The following TEAD1 variants were observed in gnomAD, a reference collection of about 807,000 sequenced individuals.
The protein encoded by TEAD1 is TEA domain transcription factor 1.
Under a neutral mutation model 54.9 loss-of-function variants are expected in TEAD1, and 9 were observed. The ratio of observed to expected loss-of-function variants is 0.16; its 90% confidence interval spans 0.10 to 0.29. TEAD1 has a LOEUF of 0.29. Ranked by LOEUF, TEAD1 falls within the 10% of genes least tolerant of loss-of-function variation. TEAD1 has a pLI of 1.00. For missense variants in TEAD1, 387 were observed against 535.9 expected (o/e 0.72, Z 2.74); for synonymous variants, 200 against 187.8 (o/e 1.07, Z -0.53).
chr11:12,782,774 G>A (rs1312902387), intron 3 of TEAD1, among the ~76,000 whole-genome samples: 1 of 152,220 alleles, frequency 6.6e-6, no homozygotes, highest in East Asian at 1.9e-4. Flanking sequence ...AAGATGGAAA[G>A]AAAGGAAAAT....
intron 3 of TEAD1, chr11:12,827,995 A>G (rs1172290032): frequency 6.6e-6 from 1 of 152,234 alleles, no homozygotes; most frequent in East Asian, 1.9e-4. Flanking sequence ...CTGGTAATGG[A>G]AAGTAGCAGT....
chr11:12,752,776 A>T (rs1590115469), intron 2 of TEAD1, among the ~76,000 whole-genome samples: 1 of 152,294 alleles, frequency 6.6e-6, no homozygotes, highest in African/African-American at 2.4e-5. Flanking sequence ...ATTTAAATTC[A>T]CAAATGTGTC....
rs142144920 is a variant in TEAD1, at chr11:12,678,308, C to T, written c.-55+2747C>T. ...ACTGCTAATGTCCAACTTTTGGACT[C>T]AGCCAGAAAAATATATTGTAAGCTT... On this transcript the variant is annotated intron_variant, in intron 2 of 12. Coordinates refer to ENST00000527636, the MANE Select transcript of TEAD1 (RefSeq NM_021961.6). 1.4e-3 allele frequency among the ~76,000 whole-genome samples: 213 copies of T among 152,334 alleles called. 3 individuals carry two copies. The highest frequency in any genetic ancestry group is 0.01 in the Admixed American group (159 of 15,304).
chr11:12,891,023 C>G, intron 9 of TEAD1, among the ~76,000 whole-genome samples: 1 of 152,180 alleles, frequency 6.6e-6, no homozygotes, highest in East Asian at 1.9e-4. Context: ...CCTCAGCCTC[C>G]CAAAGTGCTG....
intron 3 of TEAD1, among the ~76,000 whole-genome samples, chr11:12,859,326 T>C (rs1447151876): frequency 1.4e-4 from 21 of 152,242 alleles, no homozygotes; most frequent in Admixed American, 1.4e-3. Flanking sequence ...GACATTTTTG[T>C]CATCTGGACA....
intron 3 of TEAD1, among the ~76,000 whole-genome samples, chr11:12,841,403 G>A (rs949051683): frequency 6.6e-6 from 1 of 152,232 alleles, no homozygotes; most frequent in Non-Finnish European, 1.5e-5. Flanking sequence ...ATGGATGCTG[G>A]TTAGGAAGTG....
chr11:12,837,905 C>T (rs747784477), intron 3 of TEAD1, among the ~76,000 whole-genome samples: 113 of 150,850 alleles, frequency 7.5e-4, no homozygotes, highest in Non-Finnish European at 1.2e-3. Flanking sequence ...AGAGTTCAAG[C>T]GATTCTCCTG....
chr11:12,845,889 C>G (rs1367147273), intron 3 of TEAD1, among the ~76,000 whole-genome samples: 1 of 152,214 alleles, frequency 6.6e-6, no homozygotes, highest in Non-Finnish European at 1.5e-5. Context: ...GCTCAGCATA[C>G]CACACAGGAA....
At chr11:12,912,809 G>T (rs954387775) in intron 10 of TEAD1, among the ~76,000 whole-genome samples, 1 of 152,098 alleles carries the variant, frequency 6.6e-6, no homozygotes, top group African/African-American at 2.4e-5. Context: ...CTCTTGCATT[G>T]GGAGTTGCCT....
At chr11:12,871,187 T>C (rs1702597160) in intron 5 of TEAD1, among the ~76,000 whole-genome samples, 1 of 152,194 alleles carries the variant, frequency 6.6e-6, no homozygotes, top group Non-Finnish European at 1.5e-5. Flanking sequence ...GGATGCTGAG[T>C]TAGAGGTCTC....
chr11:12,677,523 G>A (rs1257640440), intron 2 of TEAD1, among the ~76,000 whole-genome samples: 1 of 152,128 alleles, frequency 6.6e-6, no homozygotes, highest in African/African-American at 2.4e-5. Flanking sequence ...GGAAAAAAAT[G>A]TTCGAGTTTT....
chr11:12,868,182 G>A (rs748291494), intron 5 of TEAD1, among the ~76,000 whole-genome samples: 2 of 152,204 alleles, frequency 1.3e-5, no homozygotes, highest in African/African-American at 2.4e-5. Context: ...CCAGGGAAGG[G>A]TGTGGCAGAG....
At chr11:12,880,882 G>C (rs965940848) in intron 6 of TEAD1, 123 bp from the exon 7 acceptor site, 1 of 1,129,016 alleles carries the variant, frequency 8.9e-7, no homozygotes, top group Non-Finnish European at 1.4e-6. Flanking sequence ...TGCACTCTGG[G>C]AAAGCGATTC....
At chr11:12,727,861 T>G (rs951821371) in intron 2 of TEAD1, among the ~76,000 whole-genome samples, 1 of 152,222 alleles carries the variant, frequency 6.6e-6, no homozygotes, top group African/African-American at 2.4e-5. Flanking sequence ...TTGTTTTGTT[T>G]AGTCTCCAAA....
At chr11:12,848,531 C>T (rs191912748) in intron 3 of TEAD1, among the ~76,000 whole-genome samples, 2 of 152,168 alleles carry the variant, frequency 1.3e-5, no homozygotes, top group Non-Finnish European at 2.9e-5. Context: ...GACTCCACTG[C>T]TTAATTAGTT....
chr11:12,770,861 A>G (rs1945298067), intron 3 of TEAD1, among the ~76,000 whole-genome samples: 2 of 152,258 alleles, frequency 1.3e-5, no homozygotes, highest in Non-Finnish European at 2.9e-5. Context: ...GAAAGAGAGC[A>G]TGAGACAGAC....
At chr11:12,799,657 T>C (rs574752073) in intron 3 of TEAD1, among the ~76,000 whole-genome samples, 6 of 152,354 alleles carry the variant, frequency 3.9e-5, no homozygotes, top group Non-Finnish European at 7.3e-5. Context: ...AGTAAGTGGC[T>C]TAGAGAGGTT....
intron 2 of TEAD1, among the ~76,000 whole-genome samples, chr11:12,709,695 A>G (rs1943893791): frequency 6.6e-6 from 1 of 151,724 alleles, no homozygotes; most frequent in Admixed American, 6.6e-5. Context: ...TTTAATTTTT[A>G]TTTGTTTTGT....
chr11:12,883,822 G>A (rs969770661), intron 9 of TEAD1, among the ~76,000 whole-genome samples: 3 of 152,002 alleles, frequency 2.0e-5, no homozygotes, highest in African/African-American at 7.3e-5. Flanking sequence ...GACCATCTTG[G>A]CCAACATGGT....
Sources: gnomAD v4.1 joint callset for allele counts (sites outside exome capture counted in the v4.1 genomes callset) on GRCh38, gnomAD v4.1.1 for gene constraint, MANE v1.5 for transcripts, NCBI Gene and HGNC (gene_info 2026-07-23, HGNC 2026-07-21) for gene names.